ANO3: variants seen among roughly 807,000 people sequenced by gnomAD.
The protein encoded by ANO3 is anoctamin-3.
ANO3 carries 99 observed loss-of-function variants against 144.8 expected under a neutral mutation model. The observed-to-expected ratio is 0.68, with a 90% CI of 0.58 to 0.81. The LOEUF is 0.81. Among genes scored for constraint, ANO3 ranks in the 30% least tolerant of loss-of-function variants. ANO3 has a pLI of 0.00. For synonymous variants in ANO3, 414 were observed against 392.6 expected (o/e 1.05, Z -0.64); for missense variants, 905 against 1,202.2 (o/e 0.75, Z 3.66).
chr11:26,408,309 G>A (rs933596716), intron 1 of ANO3, among the ~76,000 whole-genome samples: 1 of 151,600 alleles, frequency 6.6e-6, no homozygotes, highest in African/African-American at 2.4e-5. Flanking sequence ...CAAAAAGTGG[G>A]CGAAGGATAT....
intron 1 of ANO3, among the ~76,000 whole-genome samples, chr11:26,397,875 A>T (rs2045704): frequency 0.93 from 140,440 of 151,710 alleles, 65,228 homozygotes; most frequent in East Asian, 1. Flanking sequence ...CACAGTAAGA[A>T]TTTTTTTTGT....
intron 1 of ANO3, among the ~76,000 whole-genome samples, chr11:26,382,772 A>C (rs932432141): frequency 2.6e-5 from 4 of 152,140 alleles, no homozygotes; most frequent in African/African-American, 9.7e-5. Context: ...TATAATTAGA[A>C]GTATGTGTTA....
chr11:26,438,817 C>T (rs1353086592), intron 1 of ANO3, among the ~76,000 whole-genome samples: 4 of 149,132 alleles, frequency 2.7e-5, no homozygotes, highest in Non-Finnish European at 3.0e-5. Context: ...GCCTTTTTTG[C>T]ATGAATTGAC....
intron 3 of ANO3, among the ~76,000 whole-genome samples, chr11:26,456,329 A>G (rs1487739245): frequency 6.6e-6 from 1 of 152,212 alleles, no homozygotes; most frequent in Non-Finnish European, 1.5e-5. Context: ...TCCTCATCTG[A>G]CAAAGGGCTA....
At chr11:26,314,065 GGA>G (rs978384652) in intron 1 of ANO3, among the ~76,000 whole-genome samples, 4 of 151,980 alleles carry the variant, frequency 2.6e-5, no homozygotes, top group African/African-American at 9.7e-5. Flanking sequence ...GGCCCACAAT[GGA>G]GAGAGAGTTT....
At chr11:26,267,188 A>G (rs1033055269) in intron 1 of ANO3, among the ~76,000 whole-genome samples, 1 of 150,836 alleles carries the variant, frequency 6.6e-6, no homozygotes, top group Non-Finnish European at 1.5e-5. Flanking sequence ...ACGCACGCAC[A>G]CACACACACA....
chr11:26,383,885 GTTCTTTTTTTTT>G (rs1213383878), intron 1 of ANO3, among the ~76,000 whole-genome samples: 9 of 65,304 alleles, frequency 1.4e-4, no homozygotes, highest in Non-Finnish European at 2.7e-4. Flanking sequence ...GCCATGCATT[GTTCTTTTTTTTT>G]TTTTTTTTTT....
rs752564335 is a variant in ANO3, at chr11:26,463,119, A to T, written c.403A>T (p.Lys135Ter). ...RLINDFVIKDKSEFKTKLSKN... is the reference protein window; with the variant it reads ...RLINDFVIKD ...CATTAATGACTTTGTTATCAAAGAT[A>T]AATCTGAATTCAAGACAAAATTATC... Residue 135 changes from lysine (K) to a stop codon, truncating the protein, a stop_gained, in exon 4 of 27, where the codon AAA becomes TAA. Transcript: ENST00000256737. LOFTEE classifies it high-confidence loss of function. 6.3e-7 allele frequency: 1 copy of T among 1,588,340 alleles called. No individual in the cohort carries two copies. Among genetic ancestry groups the T allele is most frequent in the Non-Finnish European group, 8.6e-7 (1 of 1,166,036 alleles).
intron 3 of ANO3, among the ~76,000 whole-genome samples, chr11:26,455,892 C>G (rs939560400): frequency 6.6e-6 from 1 of 151,760 alleles, no homozygotes; most frequent in African/African-American, 2.4e-5. Context: ...ATCAATGGAA[C>G]AGAACAGAGC....
At chr11:26,484,803 A>G (rs1024178574) in intron 4 of ANO3, among the ~76,000 whole-genome samples, 21 of 152,182 alleles carry the variant, frequency 1.4e-4, no homozygotes, top group African/African-American at 5.1e-4. Context: ...ACATATGCCC[A>G]AGGTCTTGGG....
chr11:26,355,502 C>T (rs978357634), intron 1 of ANO3, among the ~76,000 whole-genome samples: 3 of 150,120 alleles, frequency 2.0e-5, no homozygotes, highest in African/African-American at 4.9e-5. Flanking sequence ...CATCCACAAC[C>T]GTTCTACACT....
At chr11:26,473,036 A>T (rs1454894706) in intron 4 of ANO3, among the ~76,000 whole-genome samples, 1 of 152,012 alleles carries the variant, frequency 6.6e-6, no homozygotes, top group Non-Finnish European at 1.5e-5. Context: ...ATTTGCTTTC[A>T]TTAATCCCTT....
chr11:26,253,752 G>A lies in ANO3; in HGVS notation c.155-55893G>A, dbSNP rs1005286437. On this transcript the variant is annotated intron_variant, in intron 1 of 27. Coordinates refer to the ANO3 transcript ENST00000672621. ...GTAAATGGTAAAGCTGGGATCTGAG[G>A]CCAGAAGACCCAATTGCTAATTTAT... Among the ~76,000 whole-genome samples the A allele has an allele frequency of 2.6e-5, 4 of 152,168 alleles. No individual in the cohort carries two copies. The South Asian group carries it at 8.3e-4, about 32-fold the overall frequency.
intron 1 of ANO3, among the ~76,000 whole-genome samples, chr11:26,250,840 A>G (rs922023980): frequency 6.6e-6 from 1 of 152,224 alleles, no homozygotes; most frequent in African/African-American, 2.4e-5. Flanking sequence ...TGAAAATAGC[A>G]TAAGTCAAAA....
intron 1 of ANO3, among the ~76,000 whole-genome samples, chr11:26,361,763 G>A (rs2133925598): frequency 6.6e-6 from 1 of 152,154 alleles, no homozygotes; most frequent in East Asian, 1.9e-4. Flanking sequence ...TGACACTCTG[G>A]TTTCTTTTTG....
chr11:26,622,822 T>C (rs1034057013), intron 17 of ANO3, among the ~76,000 whole-genome samples: 9 of 152,180 alleles, frequency 5.9e-5, no homozygotes, highest in Non-Finnish European at 7.3e-5. Flanking sequence ...AATAATAATA[T>C]ACGTAAAGCA....
chr11:26,215,019 G>T (rs957295585), intron 1 of ANO3, among the ~76,000 whole-genome samples: 2 of 151,910 alleles, frequency 1.3e-5, no homozygotes, highest in African/African-American at 4.8e-5. Context: ...GAAATAAAGT[G>T]TCATTATGAT....
chr11:26,438,880 C>T (rs1858406864), intron 1 of ANO3, among the ~76,000 whole-genome samples: 1 of 151,546 alleles, frequency 6.6e-6, no homozygotes, highest in African/African-American at 2.4e-5. Context: ...ATAGCCAAAG[C>T]AATCTTGAAA....
chr11:26,548,428 T>A (rs1320414677), intron 12 of ANO3, among the ~76,000 whole-genome samples: 1 of 151,956 alleles, frequency 6.6e-6, no homozygotes, highest in East Asian at 1.9e-4. Flanking sequence ...TCTCTCCCCT[T>A]TCTTTCAAAG....
Sources: gnomAD v4.1 joint callset for allele counts (sites outside exome capture counted in the v4.1 genomes callset) on GRCh38, gnomAD v4.1.1 for gene constraint, MANE v1.5 for transcripts, NCBI Gene and HGNC (gene_info 2026-07-23, HGNC 2026-07-21) for gene names.